The following SYNPR variants were observed in gnomAD, a reference collection of about 807,000 sequenced individuals.
The protein encoded by SYNPR is synaptoporin.
A neutral mutation model predicts 32.9 loss-of-function variants in SYNPR; 23 were observed. The observed-to-expected ratio is 0.70, with a 90% CI of 0.50 to 0.99. The LOEUF (loss-of-function observed/expected upper bound fraction) is 0.99, where lower values mean the gene tolerates loss of function less well. Ranked by LOEUF, SYNPR falls within the 50% of genes least tolerant of loss-of-function variation. The pLI is 0.00. For synonymous variants in SYNPR, 146 were observed against 135.9 expected (o/e 1.07, Z -0.52); for missense variants, 318 against 349.3 (o/e 0.91, Z 0.71).
At chr3:63,284,885 T>G (rs1328998124) in intron 2 of SYNPR, among the ~76,000 whole-genome samples, 1 of 152,168 alleles carries the variant, frequency 6.6e-6, no homozygotes, top group Admixed American at 6.5e-5. Flanking sequence ...CTTACATCAT[T>G]GTGTTGAATC....
intron 2 of SYNPR, among the ~76,000 whole-genome samples, chr3:63,476,159 G>GA (rs1559510455): frequency 8.8e-5 from 3 of 34,238 alleles, no homozygotes; most frequent in East Asian, 1.0e-3. Context: ...GGGAGGGAGG[G>GA]AGGGAGGGAG....
rs1002961184 is a variant in SYNPR, at chr3:63,278,342, C to G, written c.-192C>G. 1.5e-6 allele frequency: 1 copy of G among 672,024 alleles called. No homozygotes were observed. The highest frequency in any genetic ancestry group is 2.5e-6 in the Non-Finnish European group (1 of 404,300). The allele number at this position is 672,024 out of a possible 1,614,324, so 41.6% of individuals were successfully genotyped here. ...TGACTCGCTTCGCTTCCCCGACGCG[C>G]TGGGTTCCCGGAGCGCAGAGCCCAG... On this transcript the variant is annotated 5_prime_UTR_variant, in exon 1 of 6. Coordinates refer to ENST00000478300, the MANE Select transcript of SYNPR (RefSeq NM_001130003.2).
chr3:63,550,140 A>G (rs1702475692), intron 3 of SYNPR: 1 of 152,034 alleles, frequency 6.6e-6, no homozygotes, highest in East Asian at 1.9e-4. Context: ...CAGCTACAAA[A>G]CACATGCTGA....
At chr3:63,349,477 T>C (rs1306140844) in intron 2 of SYNPR, among the ~76,000 whole-genome samples, 1 of 152,256 alleles carries the variant, frequency 6.6e-6, no homozygotes, top group African/African-American at 2.4e-5. Context: ...TCTTTCATCA[T>C]TTTAAAATTA....
At chr3:63,401,359 A>G (rs148779781) in intron 2 of SYNPR, among the ~76,000 whole-genome samples, 3 of 152,312 alleles carry the variant, frequency 2.0e-5, no homozygotes, top group African/African-American at 4.8e-5. Flanking sequence ...TGCGATTGCT[A>G]TGGTCAATTA....
At chr3:63,456,377 T>C (rs1482442969) in intron 2 of SYNPR, among the ~76,000 whole-genome samples, 2 of 152,054 alleles carry the variant, frequency 1.3e-5, no homozygotes, top group African/African-American at 2.4e-5. Context: ...CCTTTAAGCC[T>C]CTCCAGGCCA....
At chr3:63,344,448 T>C (rs1021340281) in intron 2 of SYNPR, among the ~76,000 whole-genome samples, 5 of 151,988 alleles carry the variant, frequency 3.3e-5, no homozygotes, top group East Asian at 1.9e-4. Context: ...TTTAGAAATA[T>C]AGGAGAAATT....
chr3:63,359,066 T>G (rs1454296687), intron 2 of SYNPR, among the ~76,000 whole-genome samples: 1 of 152,164 alleles, frequency 6.6e-6, no homozygotes, highest in Admixed American at 6.5e-5. Flanking sequence ...ATTAAGAAAT[T>G]TAAATATTTT....
intron 2 of SYNPR, among the ~76,000 whole-genome samples, chr3:63,474,079 G>A (rs1319545779): frequency 6.6e-6 from 1 of 152,190 alleles, no homozygotes; most frequent in Non-Finnish European, 1.5e-5. Context: ...GCCAGCCAAC[G>A]ATGTGTGGTG....
chr3:63,530,793 T>C (rs1220765555), intron 3 of SYNPR, among the ~76,000 whole-genome samples: 1 of 152,162 alleles, frequency 6.6e-6, no homozygotes, highest in Non-Finnish European at 1.5e-5. Flanking sequence ...TAAGGAGTTA[T>C]GGAGAGAAAT....
chr3:63,388,901 A>G lies in SYNPR; in HGVS notation c.85-91931A>G, dbSNP rs926148722. Among the ~76,000 whole-genome samples the G allele has an allele frequency of 2.0e-5, 3 of 152,142 alleles. No homozygotes were observed. In the East Asian group the frequency reaches 5.8e-4, roughly 29 times the overall value. ...CACAACACAAATTCCCATAAACAGG[A>G]AAAAAATGAGATGGGGAAAAGTGGC... On this transcript the variant is annotated intron_variant, in intron 2 of 5. Coordinates refer to ENST00000478300, the MANE Select transcript of SYNPR (RefSeq NM_001130003.2).
chr3:63,510,038 C>G (rs966584194), intron 3 of SYNPR, among the ~76,000 whole-genome samples: 1 of 152,004 alleles, frequency 6.6e-6, no homozygotes, highest in Non-Finnish European at 1.5e-5. Flanking sequence ...ATTATAGACA[C>G]AGCGGTACTA....
intron 2 of SYNPR, among the ~76,000 whole-genome samples, chr3:63,334,699 C>A (rs183899504): frequency 3.3e-4 from 50 of 152,314 alleles, no homozygotes; most frequent in Middle Eastern, 3.4e-3. Context: ...ATCTTGGGTA[C>A]ATTGGCGATT....
At chr3:63,283,785 G>T (rs1275042627) in intron 2 of SYNPR, among the ~76,000 whole-genome samples, 1 of 147,570 alleles carries the variant, frequency 6.8e-6, no homozygotes, top group Admixed American at 6.7e-5. Context: ...AACTAAGTTG[G>T]TATAGTCCTT....
the SYNPR span, among the ~76,000 whole-genome samples, chr3:63,218,054 C>A: frequency 6.6e-6 from 1 of 152,178 alleles, no homozygotes; most frequent in East Asian, 1.9e-4. Flanking sequence ...TTCTCAAGGG[C>A]AACGGGAGGT....
chr3:63,247,097 T>C (rs2086298223), intron 1 of SYNPR, among the ~76,000 whole-genome samples: 1 of 151,970 alleles, frequency 6.6e-6, no homozygotes, highest in East Asian at 1.9e-4. Flanking sequence ...TTTAGCATAA[T>C]ACCTGACATT....
intron 4 of SYNPR, among the ~76,000 whole-genome samples, chr3:63,592,997 C>T (rs1382644710): frequency 1.3e-5 from 2 of 151,960 alleles, no homozygotes; most frequent in African/African-American, 4.8e-5. Context: ...AATTGAAATT[C>T]GACCTCAGGA....
chr3:63,480,465 C>G (rs965302465), intron 2 of SYNPR, among the ~76,000 whole-genome samples: 1 of 152,310 alleles, frequency 6.6e-6, no homozygotes, highest in Non-Finnish European at 1.5e-5. Flanking sequence ...ACCCCCACAT[C>G]TTCCTACCTG....
chr3:63,500,313 T>C (rs935449300), intron 3 of SYNPR, among the ~76,000 whole-genome samples: 10 of 152,132 alleles, frequency 6.6e-5, no homozygotes, highest in African/African-American at 2.4e-4. Flanking sequence ...CTACATGTAC[T>C]AGATTCTTGG....
Sources: gnomAD v4.1 joint callset for allele counts (sites outside exome capture counted in the v4.1 genomes callset) on GRCh38, gnomAD v4.1.1 for gene constraint, MANE v1.5 for transcripts, NCBI Gene and HGNC (gene_info 2026-07-23, HGNC 2026-07-21) for gene names.